The following FBXO40 variants were observed in gnomAD, a reference collection of about 807,000 sequenced individuals.
FBXO40 encodes the protein F-box only protein 40.
A neutral mutation model predicts 49.9 loss-of-function variants in FBXO40; 50 were observed. That is an observed-to-expected ratio of 1.00 (90% confidence interval 0.80 to 1.27). FBXO40 has a LOEUF of 1.27. FBXO40 is among the 50% of genes most tolerant of loss of function. FBXO40 has a pLI of 0.00. For synonymous variants in FBXO40, 340 were observed against 320.2 expected (o/e 1.06, Z -0.66); for missense variants, 895 against 870.1 (o/e 1.03, Z -0.36).
chr3:121,603,146 T>G (rs1458456278), intron 1 of FBXO40, among the ~76,000 whole-genome samples: 1 of 152,196 alleles, frequency 6.6e-6, no homozygotes, highest in Non-Finnish European at 1.5e-5. Flanking sequence ...CTAATTCTAT[T>G]CATGAGGGTT....
chr3:121,618,640 C>T (rs1264021865), intron 1 of FBXO40, among the ~76,000 whole-genome samples: 6 of 151,730 alleles, frequency 4.0e-5, no homozygotes, highest in Non-Finnish European at 7.4e-5. Context: ...AGGTGATCCA[C>T]CCGCTTGGGC....
Position 121,622,141 on chromosome 3 carries a change from T to A in FBXO40, c.712T>A (p.Cys238Ser), listed in dbSNP as rs754382635. 6.2e-7 allele frequency: 1 copy of A among 1,614,008 alleles called. No homozygotes were observed. Among genetic ancestry groups the A allele is most frequent in the Non-Finnish European group, 8.5e-7 (1 of 1,179,992 alleles). The change falls in exon 3 of 4, where the codon TGT (cysteine) becomes AGT (serine). Residue 238 changes from cysteine to serine, a missense_variant. Physicochemically the swap from Cys to Ser is moderately radical, Grantham distance 112. Transcript: ENST00000338040. Reference sequence around the variant, plus strand: ...TGCTTTAACAAATTCATCAGCGAGCTGTGAGAGCAAGAACAAGAATGACTC... The same window carrying A: ...TGCTTTAACAAATTCATCAGCGAGCAGTGAGAGCAAGAACAAGAATGACTC... ...ASALTNSSAS[C>S]ESKNKNDSEK... is the part of the protein sequence containing the mutation.
At chr3:121,624,509 A>G (rs1182903597) in intron 3 of FBXO40, among the ~76,000 whole-genome samples, 1 of 152,164 alleles carries the variant, frequency 6.6e-6, no homozygotes, top group Non-Finnish European at 1.5e-5. Flanking sequence ...TCTGTCCCCC[A>G]GGAGGCTGCC....
At chr3:121,625,536 A>G (rs1451628566) in intron 3 of FBXO40, among the ~76,000 whole-genome samples, 5 of 152,238 alleles carry the variant, frequency 3.3e-5, no homozygotes, top group Non-Finnish European at 7.3e-5. Context: ...ATTGCCAACC[A>G]AGCACGTATT....
chr3:121,622,971 C>T lies in FBXO40; in HGVS notation c.1542C>T (p.Ala514=), dbSNP rs772094100. The T allele has an allele frequency of 3.1e-6, 5 of 1,614,100 alleles. No individual in the cohort carries two copies. The South Asian group carries it at 5.5e-5, about 18-fold the overall frequency. The change falls in exon 3 of 4, where the codon GCC becomes GCT. Residue 514 remains alanine, a synonymous_variant. Coordinates refer to ENST00000338040, the MANE Select transcript of FBXO40 (RefSeq NM_016298.4). ...GGTTCCAGCATCGATGCCCCCTCGCCTACTTGGGATGTACATTTGTTCAAA... is the reference window on the plus strand; with the variant it reads ...GGTTCCAGCATCGATGCCCCCTCGCTTACTTGGGATGTACATTTGTTCAAA... ...NGWFQHRCPL[A]YLGCTFVQNH...
intron 1 of FBXO40, among the ~76,000 whole-genome samples, chr3:121,605,929 G>A (rs893691790): frequency 2.6e-5 from 4 of 152,180 alleles, no homozygotes; most frequent in African/African-American, 7.2e-5. Context: ...AGAGGACATC[G>A]GCATAGTCCT....
In FBXO40 at chr3:121,621,473, G is replaced by T. The variant is rs2049029137; in HGVS notation, c.44G>T (p.Cys15Phe). 3 of 1,614,180 alleles carry T rather than the reference G, an allele frequency of 1.9e-6. No homozygotes were observed. The East Asian group carries it at 6.7e-5, about 36-fold the overall frequency. ...TCCCCGCCAGGGCACCACAGGCATT[G>T]TGAGGGATGCTTCAACCGCCACTGC... is the stretch of plus-strand genomic sequence containing the variant. The part of the protein sequence containing the change: ...RRSPPGHHRH[C>F]EGCFNRHCHI... The change falls in exon 3 of 4, where the codon TGT (cysteine) becomes TTT (phenylalanine). Residue 15 changes from cysteine to phenylalanine, a missense_variant. Coordinates refer to ENST00000338040, the MANE Select transcript of FBXO40 (RefSeq NM_016298.4).
chr3:121,613,781 A>C (rs1425154244), intron 1 of FBXO40, among the ~76,000 whole-genome samples: 3 of 152,220 alleles, frequency 2.0e-5, no homozygotes, highest in African/African-American at 7.2e-5. Flanking sequence ...TCTTGTTTCC[A>C]GTGTCCCTCA....
In FBXO40 at chr3:121,621,734, G is replaced by T. The variant is rs745710712; in HGVS notation, c.305G>T (p.Trp102Leu). The change falls in exon 3 of 4, where the codon TGG becomes TTG. Residue 102 changes from tryptophan to leucine, a missense_variant. Coordinates refer to ENST00000338040, the MANE Select transcript of FBXO40 (RefSeq NM_016298.4). ...VVCCSMEWNR[W>L]PNVDSETTLH... ...TGCTGCTCCATGGAGTGGAACCGCTGGCCAAATGTGGACTCTGAAACCACC... is the reference window on the plus strand; with the variant it reads ...TGCTGCTCCATGGAGTGGAACCGCTTGCCAAATGTGGACTCTGAAACCACC... 5 of 1,614,092 alleles carry T rather than the reference G, an allele frequency of 3.1e-6. No homozygotes were observed. Among genetic ancestry groups the T allele is most frequent in the South Asian group, 1.1e-5 (1 of 91,084 alleles).
chr3:121,598,804 C>G (rs1024323442), intron 1 of FBXO40, among the ~76,000 whole-genome samples: 4 of 152,220 alleles, frequency 2.6e-5, no homozygotes, highest in Non-Finnish European at 4.4e-5. Flanking sequence ...GCATGAGCCA[C>G]TGAACTGGGC....
chr3:121,613,536 T>A (rs1043041242), intron 1 of FBXO40, among the ~76,000 whole-genome samples: 3 of 152,098 alleles, frequency 2.0e-5, no homozygotes, highest in African/African-American at 7.2e-5. Context: ...TAAAAGATGA[T>A]CTTCTGATTA....
intron 1 of FBXO40, among the ~76,000 whole-genome samples, chr3:121,607,243 C>T (rs112011816): frequency 4.7e-5 from 6 of 126,842 alleles, no homozygotes; most frequent in African/African-American, 8.9e-5. Flanking sequence ...CCAGCTTGGG[C>T]GACAAGAGTG....
intron 1 of FBXO40, among the ~76,000 whole-genome samples, chr3:121,605,253 T>A (rs1389750049): frequency 1.3e-5 from 2 of 152,174 alleles, no homozygotes; most frequent in African/African-American, 4.8e-5. Context: ...CTTTTTTAAA[T>A]AGTCTTTGTC....
Position 121,622,148 on chromosome 3 carries a change from G to A in FBXO40, c.719G>A (p.Ser240Asn), listed in dbSNP as rs1365543030. 3.1e-6 allele frequency: 5 copies of A among 1,614,038 alleles called. No homozygotes were observed. In the Admixed American group the frequency reaches 8.3e-5, roughly 27 times the overall value. ...ALTNSSASCE[S>N]KNKNDSEKEQ... ...ACAAATTCATCAGCGAGCTGTGAGA[G>A]CAAGAACAAGAATGACTCCGAGAAA... Residue 240 changes from serine (S) to asparagine (N), a missense_variant, in exon 3 of 4, where the codon AGC (serine) becomes AAC (asparagine). Coordinates refer to ENST00000338040, the MANE Select transcript of FBXO40 (RefSeq NM_016298.4).
intron 1 of FBXO40, among the ~76,000 whole-genome samples, chr3:121,597,785 C>A (rs917769150): frequency 6.6e-6 from 1 of 151,674 alleles, no homozygotes; most frequent in Non-Finnish European, 1.5e-5. Flanking sequence ...CCTCAGTCTC[C>A]CGAGCGTCTG....
chr3:121,613,051 C>A (rs1169543977), intron 1 of FBXO40, among the ~76,000 whole-genome samples: 2 of 143,948 alleles, frequency 1.4e-5, no homozygotes, highest in Non-Finnish European at 3.0e-5. Flanking sequence ...GCCTGGGCGA[C>A]AGAGCAAGAC....
intron 1 of FBXO40, among the ~76,000 whole-genome samples, chr3:121,598,230 T>C (rs1442151342): frequency 2.0e-5 from 3 of 152,060 alleles, no homozygotes; most frequent in African/African-American, 4.8e-5. Flanking sequence ...GCAAAGTGCA[T>C]AAGGGTGGGA....
Position 121,626,983 on chromosome 3 carries a change from G to T in FBXO40, c.*73G>T, listed in dbSNP as rs1466737368. ...TTCCTGAAGTAGGACAGAGTGTGTG[G>T]TTTTGAGGACTCCCTTCTGTAAACT... On this transcript the variant is annotated 3_prime_UTR_variant, in exon 4 of 4. Transcript: ENST00000338040. 1.4e-6 allele frequency: 2 copies of T among 1,440,312 alleles called. No homozygotes were observed. Among genetic ancestry groups the T allele is most frequent in the Non-Finnish European group, 1.9e-6 (2 of 1,033,290 alleles). 89.2% of individuals were successfully genotyped at this position (1,440,312 alleles called of 1,614,324 possible).
Position 121,622,992 on chromosome 3 carries a change from T to G in FBXO40, c.1563T>G (p.Val521=). The change falls in exon 3 of 4, where the codon GTT becomes GTG. Residue 521 remains valine (V), a synonymous_variant. Coordinates refer to ENST00000338040, the MANE Select transcript of FBXO40 (RefSeq NM_016298.4). ...TCGCCTACTTGGGATGTACATTTGT[T>G]CAAAACCATTTCCGTCCCCCAGGGC... is the stretch of plus-strand genomic sequence containing the variant. ...CPLAYLGCTF[V]QNHFRPPGQK... is the part of the protein sequence containing the mutation. 1.9e-6 allele frequency: 3 copies of G among 1,614,176 alleles called. No homozygotes were observed. Among genetic ancestry groups the G allele is most frequent in the Non-Finnish European group, 2.5e-6 (3 of 1,180,038 alleles).
Sources: gnomAD v4.1 joint callset for allele counts (sites outside exome capture counted in the v4.1 genomes callset) on GRCh38, gnomAD v4.1.1 for gene constraint, MANE v1.5 for transcripts, NCBI Gene and HGNC (gene_info 2026-07-23, HGNC 2026-07-21) for gene names.